The following MTMR7 variants were observed in gnomAD, a reference collection of about 807,000 sequenced individuals.
MTMR7 encodes the protein myotubularin related protein 7.
In MTMR7, 76 loss-of-function variants were observed where a neutral mutation model predicts 81.2. The ratio of observed to expected loss-of-function variants is 0.94; its 90% CI spans 0.78 to 1.13. The LOEUF is 1.13. Among genes scored for constraint, MTMR7 ranks in the 50% most tolerant of loss-of-function variants. The pLI is 0.00. For missense variants in MTMR7, 1,044 were observed against 820.0 expected (o/e 1.27, Z -3.34); for synonymous variants, 372 against 289.8 (o/e 1.28, Z -2.88).
rs919253646 is a variant in MTMR7 at position 17,299,688 on chromosome 8, C to G, written c.*174G>C. 2 of 780,208 alleles carry G rather than the reference C, an allele frequency of 2.6e-6. No individual in the cohort carries two copies. The highest frequency in any genetic ancestry group is 5.8e-5 in the Admixed American group (2 of 34,372). The allele number at this position is 780,208 out of a possible 1,614,324, so 48.3% of individuals were successfully genotyped here. ...ATTTGATAAATGAAATGACTACGTC[C>G]TCTTCAGTATCTAAGAAATCAAGAA... On this transcript the variant is annotated 3_prime_UTR_variant, in exon 14 of 14. Transcript: ENST00000180173.
intron 1 of MTMR7, among the ~76,000 whole-genome samples, chr8:17,399,545 C>G (rs1453428132): frequency 6.6e-6 from 1 of 152,014 alleles, no homozygotes; most frequent in African/African-American, 2.4e-5. Context: ...GTTAAAATGC[C>G]CATACAACCC....
intron 1 of MTMR7, among the ~76,000 whole-genome samples, chr8:17,375,154 A>G (rs983838190): frequency 2.0e-5 from 3 of 152,032 alleles, no homozygotes; most frequent in East Asian, 3.9e-4. Flanking sequence ...CTTCCCATCT[A>G]CTCCAAGGGA....
intron 7 of MTMR7, among the ~76,000 whole-genome samples, chr8:17,323,334 G>A (rs996328725): frequency 6.6e-6 from 1 of 151,990 alleles, no homozygotes; most frequent in African/African-American, 2.4e-5. Flanking sequence ...TACATCCCTT[G>A]ACTCCACTTT....
Position 17,320,622 on chromosome 8 carries a change from C to T in MTMR7, c.866-7221G>A, listed in dbSNP as rs181569411. Among the ~76,000 whole-genome samples the T allele has an allele frequency of 1.5e-3, 228 of 152,240 alleles. 1 individual carries two copies. Among genetic ancestry groups the T allele is most frequent in the African/African-American group, 5.2e-3 (215 of 41,530 alleles). On this transcript the variant is annotated intron_variant, in intron 7 of 13. Transcript: ENST00000180173. ...CTGTGAATTCAGGGGTGCATGGACC[C>T]AATTGGAAGACAGCACAATCTGATG...
intron 5 of MTMR7, among the ~76,000 whole-genome samples, chr8:17,348,151 C>T (rs916494705): frequency 2.0e-5 from 3 of 152,118 alleles, no homozygotes; most frequent in African/African-American, 7.2e-5. Context: ...CCAATTCTGG[C>T]TTTTATAAAT....
Position 17,349,082 on chromosome 8 carries a change from C to T in MTMR7, c.469-1G>A. Reference sequence around the variant, plus strand: ...GTTCAGTAGGATAAGAGTCACAGACCTGTCACCAGAAAATACAAAGAGATT... The same window carrying T: ...GTTCAGTAGGATAAGAGTCACAGACTTGTCACCAGAAAATACAAAGAGATT... On this transcript the variant is annotated splice_acceptor_variant, in intron 4 of 13. Coordinates refer to ENST00000180173, the MANE Select transcript of MTMR7 (RefSeq NM_004686.5). LOFTEE classifies it high-confidence loss of function. The T allele has an allele frequency of 6.2e-7, 1 of 1,610,994 alleles. No individual in the cohort carries two copies. Among genetic ancestry groups the T allele is most frequent in the East Asian group, 2.2e-5 (1 of 44,810 alleles).
intron 3 of MTMR7, among the ~76,000 whole-genome samples, chr8:17,368,312 T>C (rs1319081607): frequency 1.3e-5 from 2 of 152,182 alleles, no homozygotes; most frequent in Non-Finnish European, 2.9e-5. Context: ...CTGGTACCTG[T>C]CTGCGGCCCA....
intron 1 of MTMR7, among the ~76,000 whole-genome samples, chr8:17,409,035 T>G (rs1185893000): frequency 6.6e-6 from 1 of 152,208 alleles, no homozygotes; most frequent in African/African-American, 2.4e-5. Context: ...ATCTCACATA[T>G]TATGTCAGAT....
intron 13 of MTMR7, chr8:17,301,800 AAG>A (rs1817132891): frequency 3.4e-6 from 1 of 290,012 alleles, no homozygotes; most frequent in African/African-American, 2.2e-5. Flanking sequence ...AAAGTGGGGA[AAG>A]AGTTTTACAA....
chr8:17,358,664 T>C (rs1004204276), intron 4 of MTMR7, among the ~76,000 whole-genome samples: 1 of 152,208 alleles, frequency 6.6e-6, no homozygotes, highest in Admixed American at 6.5e-5. Flanking sequence ...ATAGGCCATG[T>C]GCACTGAATG....
chr8:17,317,350 AG>A (rs572925701), intron 7 of MTMR7, among the ~76,000 whole-genome samples: 25 of 152,330 alleles, frequency 1.6e-4, no homozygotes, highest in Non-Finnish European at 3.4e-4. Context: ...CGATGTTTGT[AG>A]GCCCCGGCAT....
At chr8:17,387,986 A>G (rs1459896928) in intron 1 of MTMR7, among the ~76,000 whole-genome samples, 1 of 152,252 alleles carries the variant, frequency 6.6e-6, no homozygotes. Flanking sequence ...AAGGGAATAT[A>G]CAAGCTAAAA....
chr8:17,346,685 G>A (rs2150546272), intron 5 of MTMR7, among the ~76,000 whole-genome samples: 1 of 146,306 alleles, frequency 6.8e-6, no homozygotes, highest in Non-Finnish European at 1.5e-5. Flanking sequence ...GGCACACTGT[G>A]CTCACTTTTT....
At chr8:17,377,662 T>G (rs1468448821) in intron 1 of MTMR7, among the ~76,000 whole-genome samples, 2 of 152,172 alleles carry the variant, frequency 1.3e-5, no homozygotes, top group African/African-American at 4.8e-5. Context: ...ACAAAAGTTT[T>G]TAAATTCAAT....
intron 4 of MTMR7, among the ~76,000 whole-genome samples, chr8:17,356,849 G>A (rs139448623): frequency 3.9e-5 from 6 of 152,212 alleles, no homozygotes; most frequent in East Asian, 1.9e-4. Flanking sequence ...ACCAACCGTC[G>A]GGGAGTCTGT....
At chr8:17,406,482 T>A (rs1204347111) in intron 1 of MTMR7, among the ~76,000 whole-genome samples, 1 of 152,088 alleles carries the variant, frequency 6.6e-6, no homozygotes, top group East Asian at 1.9e-4. Context: ...TAAAAAACAA[T>A]GACAAGTGTC....
intron 1 of MTMR7, among the ~76,000 whole-genome samples, chr8:17,377,800 G>A (rs990756495): frequency 2.3e-4 from 35 of 152,044 alleles, no homozygotes; most frequent in Admixed American, 1.2e-3. Context: ...TTTAAGGGAA[G>A]CATTTTCCAA....
chr8:17,373,524 A>G (rs1289255809), intron 1 of MTMR7, among the ~76,000 whole-genome samples: 3 of 152,196 alleles, frequency 2.0e-5, no homozygotes, highest in Non-Finnish European at 4.4e-5. Flanking sequence ...ACAATGGTCA[A>G]CGCTTTCATT....
In MTMR7 at chr8:17,305,129, A is replaced by G. The variant is rs1048788844; in HGVS notation, c.1353-610T>C. On this transcript the variant is annotated intron_variant, in intron 11 of 13. Transcript: ENST00000180173. ...TAGAGAAAACAAACTAGTATCCACT[A>G]CAAAAATTAATTTTCTTTATGAGTC... 2.0e-5 allele frequency among the ~76,000 whole-genome samples: 3 copies of G among 152,342 alleles called. No individual in the cohort carries two copies. The South Asian group carries it at 6.2e-4, about 32-fold the overall frequency.
Sources: gnomAD v4.1 joint callset for allele counts (sites outside exome capture counted in the v4.1 genomes callset) on GRCh38, gnomAD v4.1.1 for gene constraint, MANE v1.5 for transcripts, NCBI Gene and HGNC (gene_info 2026-07-23, HGNC 2026-07-21) for gene names.